LIMCH1: variants seen among roughly 807,000 people sequenced by gnomAD.
The protein encoded by LIMCH1 is LIM and calponin homology domains 1, also known as LIM and calponin homology domains-containing protein 1.
A neutral mutation model predicts 176.5 loss-of-function variants in LIMCH1; 113 were observed. The ratio of observed to expected loss-of-function variants is 0.64; its 90% confidence interval spans 0.55 to 0.75. LIMCH1 has a LOEUF of 0.75. Among genes scored for constraint, LIMCH1 ranks in the 30% least tolerant of loss-of-function variants. LIMCH1 has a pLI of 0.00. For synonymous variants in LIMCH1, 619 were observed against 645.9 expected (o/e 0.96, Z 0.63); for missense variants, 1,674 against 1,814.9 (o/e 0.92, Z 1.41).
Position 41,683,488 on chromosome 4 carries a change from T to C in LIMCH1, c.3846-909T>C, listed in dbSNP as rs1020295968. ...CATGTTCTTCATGAGAAAGATGTTT[T>C]CCTCTGGGGCTCTGAGTTACCAGAT... On this transcript the variant is annotated intron_variant, in intron 26 of 31. Transcript: ENST00000503057. 2.0e-5 allele frequency among the ~76,000 whole-genome samples: 3 copies of C among 152,316 alleles called. No homozygotes were observed. The South Asian group carries it at 6.2e-4, about 32-fold the overall frequency.
At chr4:41,566,553 G>A (rs1207087552) in intron 1 of LIMCH1, among the ~76,000 whole-genome samples, 1 of 152,100 alleles carries the variant, frequency 6.6e-6, no homozygotes, top group Non-Finnish European at 1.5e-5. Context: ...GCATGATGTA[G>A]GCAGTTTCCT....
chr4:41,375,448 A>G (rs928041989), intron 1 of LIMCH1, among the ~76,000 whole-genome samples: 1 of 152,184 alleles, frequency 6.6e-6, no homozygotes, highest in African/African-American at 2.4e-5. Context: ...GGGTACTTCA[A>G]CTCTCCTTTC....
chr4:41,423,713 C>T (rs1176364675), intron 1 of LIMCH1, among the ~76,000 whole-genome samples: 2 of 152,136 alleles, frequency 1.3e-5, no homozygotes, highest in East Asian at 1.9e-4. Context: ...TCAAAATATT[C>T]TGGTGTCTGT....
intron 10 of LIMCH1, 23 bp downstream of exon 10, chr4:41,631,500 A>G (rs1300915800): frequency 2.7e-6 from 4 of 1,481,252 alleles, no homozygotes; most frequent in South Asian, 2.7e-5. Context: ...ATACGTGTGC[A>G]AGGATATCTG....
At chr4:41,506,797 G>A (rs2074227265) in intron 2 of LIMCH1, among the ~76,000 whole-genome samples, 1 of 152,126 alleles carries the variant, frequency 6.6e-6, no homozygotes, top group African/African-American at 2.4e-5. Flanking sequence ...AAAATGTGTG[G>A]TTTTTATCCC....
chr4:41,487,846 G>T (rs2069956423), intron 1 of LIMCH1, among the ~76,000 whole-genome samples: 2 of 150,434 alleles, frequency 1.3e-5, no homozygotes, highest in East Asian at 3.9e-4. Context: ...TAGAGACGGG[G>T]TTTCACCGTG....
At chr4:41,691,869 A>T (rs1726210127) in intron 30 of LIMCH1, among the ~76,000 whole-genome samples, 1 of 152,228 alleles carries the variant, frequency 6.6e-6, no homozygotes, top group South Asian at 2.1e-4. Context: ...TGATGGACAC[A>T]TTTCAATTGA....
At chr4:41,671,631 A>G (rs761662259) in intron 22 of LIMCH1, 37 bp downstream of exon 22, 4 of 1,444,584 alleles carry the variant, frequency 2.8e-6, no homozygotes, top group Non-Finnish European at 3.9e-6. Flanking sequence ...ATTATGAGTT[A>G]GTGTGATTTT....
At chr4:41,441,226 T>C (rs1201179270) in intron 1 of LIMCH1, among the ~76,000 whole-genome samples, 3 of 152,278 alleles carry the variant, frequency 2.0e-5, no homozygotes, top group East Asian at 3.9e-4. Context: ...CAATGAAAAA[T>C]GAAATTTGCT....
At chr4:41,421,102 G>A (rs1055110688) in intron 1 of LIMCH1, among the ~76,000 whole-genome samples, 1 of 152,190 alleles carries the variant, frequency 6.6e-6, no homozygotes, top group Admixed American at 6.5e-5. Flanking sequence ...TGGTTAAGGG[G>A]TATTGATATT....
intron 1 of LIMCH1, among the ~76,000 whole-genome samples, chr4:41,493,130 T>C (rs190295902): frequency 3.9e-5 from 6 of 152,312 alleles, no homozygotes; most frequent in Non-Finnish European, 2.9e-5. Context: ...CCTGCTTTTT[T>C]AGCCATTCTG....
chr4:41,447,081 T>C (rs1256633408), intron 1 of LIMCH1, among the ~76,000 whole-genome samples: 2 of 151,974 alleles, frequency 1.3e-5, no homozygotes, highest in East Asian at 3.9e-4. Flanking sequence ...ATATAAAAAA[T>C]TAGCTGGGCA....
At chr4:41,694,945 G>GA (rs1441245922) in intron 31 of LIMCH1, among the ~76,000 whole-genome samples, 3 of 151,876 alleles carry the variant, frequency 2.0e-5, no homozygotes, top group Non-Finnish European at 4.4e-5. Context: ...CTTGGTGGGG[G>GA]AAAAAATCTC....
chr4:41,595,809 G>A (rs2088645507), intron 1 of LIMCH1, among the ~76,000 whole-genome samples: 1 of 152,088 alleles, frequency 6.6e-6, no homozygotes, highest in Non-Finnish European at 1.5e-5. Flanking sequence ...TGTAATCCCA[G>A]CACGTTGCAG....
At chr4:41,494,464 C>CAT (rs112293849) in intron 1 of LIMCH1, 6 of 1,015,482 alleles carry the variant, frequency 5.9e-6, no homozygotes, top group East Asian at 2.4e-5. Flanking sequence ...TACACACACA[C>CAT]ATATATATAT....
chr4:41,682,278 G>T, intron 25 of LIMCH1, 55 bp from the exon 26 acceptor site: 2 of 1,404,308 alleles, frequency 1.4e-6, no homozygotes, highest in Non-Finnish European at 2.0e-6. Flanking sequence ...AGAGATAAGG[G>T]TTATACAGTG....
intron 1 of LIMCH1, among the ~76,000 whole-genome samples, chr4:41,390,657 T>C (rs1230359551): frequency 1.3e-5 from 2 of 152,232 alleles, no homozygotes; most frequent in Admixed American, 1.3e-4. Context: ...TGGACATTCC[T>C]AAAGTTTCCA....
intron 1 of LIMCH1, among the ~76,000 whole-genome samples, chr4:41,493,671 T>TC (rs2071510194): frequency 6.6e-6 from 1 of 152,100 alleles, no homozygotes; most frequent in Non-Finnish European, 1.5e-5. Flanking sequence ...TTGAAACCAT[T>TC]CCCCCATGGA....
At chr4:41,364,879 C>T (rs1460989493) in intron 1 of LIMCH1, among the ~76,000 whole-genome samples, 1 of 152,076 alleles carries the variant, frequency 6.6e-6, no homozygotes, top group Non-Finnish European at 1.5e-5. Context: ...CCCTCTTCCT[C>T]CCTTTTATTA....
Sources: gnomAD v4.1 joint callset for allele counts (sites outside exome capture counted in the v4.1 genomes callset) on GRCh38, gnomAD v4.1.1 for gene constraint, MANE v1.5 for transcripts, NCBI Gene and HGNC (gene_info 2026-07-23, HGNC 2026-07-21) for gene names.